Variants in CLVS1 observed in about 807,000 individuals in gnomAD.
CLVS1 encodes clavesin 1, also known as clavesin-1.
CLVS1 carries 10 observed loss-of-function variants against 33.1 expected under a neutral mutation model. That is an observed-to-expected ratio of 0.30 (90% CI 0.19 to 0.51). The LOEUF (loss-of-function observed/expected upper bound fraction) is 0.51, where lower values mean the gene tolerates loss of function less well. CLVS1 is among the 20% of genes least tolerant of loss of function. The probability of loss-of-function intolerance (pLI) is 0.97; values close to 1 mark genes in which losing one functional copy is unlikely to be tolerated. For missense variants in CLVS1, 343 were observed against 433.4 expected (o/e 0.79, Z 1.85); for synonymous variants, 163 against 166.1 (o/e 0.98, Z 0.14).
At chr8:61,111,608 T>C (rs16926864) in intron 1 of CLVS1, among the ~76,000 whole-genome samples, 30,141 of 152,150 alleles carry the variant, frequency 0.2, 3,196 homozygotes, top group Admixed American at 0.32. Flanking sequence ...TGGGATGCTA[T>C]CTCTATCACA....
chr8:61,368,912 C>T (rs1002466987), intron 2 of CLVS1, among the ~76,000 whole-genome samples: 21 of 152,256 alleles, frequency 1.4e-4, no homozygotes, highest in Admixed American at 1.3e-3. Flanking sequence ...GTTTCCAGTA[C>T]TGATTGAAAT....
intron 2 of CLVS1, among the ~76,000 whole-genome samples, chr8:61,339,994 AAATG>A (rs905942081): frequency 8.6e-5 from 13 of 151,838 alleles, no homozygotes; most frequent in Middle Eastern, 6.8e-3. Context: ...GAAAAAGAGA[AAATG>A]AAAGAAAGGA....
intron 3 of CLVS1, among the ~76,000 whole-genome samples, chr8:61,415,396 T>A (rs1370389582): frequency 6.6e-6 from 1 of 152,216 alleles, no homozygotes. Context: ...TTTGCAGTAA[T>A]CAACTTGTGG....
At chr8:61,192,699 A>C (rs1005944974) in intron 2 of CLVS1, among the ~76,000 whole-genome samples, 4 of 152,190 alleles carry the variant, frequency 2.6e-5, no homozygotes, top group African/African-American at 9.7e-5. Context: ...CCCATCAAAA[A>C]GTGGGCAAAG....
Position 61,246,167 on chromosome 8 carries a change from C to CTTTTTT in CLVS1, c.-151-53486_-151-53481dup, listed in dbSNP as rs1188366643. Among the ~76,000 whole-genome samples the CTTTTTT allele has an allele frequency of 6.4e-3, 528 of 82,228 alleles. 94 individuals carry two copies. Among genetic ancestry groups the CTTTTTT allele is most frequent in the East Asian group, 0.018 (48 of 2,694 alleles). 53.9% of individuals were successfully genotyped at this position (82,228 alleles called of 152,430 possible). The stretch of plus-strand genomic sequence containing the variant: ...AAACCCTTTTTCTCTTCCTTCCCAA[C>CTTTTTT]TTTTTTTTTTTTTTTTTTTTTTTTT... On this transcript the variant is annotated intron_variant, in intron 2 of 2. Coordinates refer to the CLVS1 transcript ENST00000522621.
intron 5 of CLVS1, among the ~76,000 whole-genome samples, chr8:61,490,439 C>A (rs901590569): frequency 4.7e-4 from 71 of 150,648 alleles, no homozygotes; most frequent in African/African-American, 1.7e-3. Context: ...GAGGCTGAGG[C>A]CTGTGCATCA....
rs146309867 is a variant in CLVS1 at position 61,337,190 on chromosome 8, T to C, written c.455+36908T>C. Among the ~76,000 whole-genome samples, 332 of 152,272 alleles carry C rather than the reference T, an allele frequency of 2.2e-3. 2 individuals are homozygous for C. The highest frequency in any genetic ancestry group is 0.017 in the South Asian group (80 of 4,816). On this transcript the variant is annotated intron_variant, in intron 2 of 5. Transcript: ENST00000325897. ...TTTTAGACCAAAGTAGTAAACACTT[T>C]TAAGGGCAGGTTCGGCCCTACCTAT...
intron 1 of CLVS1, among the ~76,000 whole-genome samples, chr8:61,064,619 C>A (rs1402806141): frequency 6.6e-6 from 1 of 150,734 alleles, no homozygotes; most frequent in Admixed American, 6.6e-5. Flanking sequence ...CAGCTCACTG[C>A]AACCTCTGCC....
At chr8:61,424,326 A>G (rs760258273) in intron 3 of CLVS1, among the ~76,000 whole-genome samples, 4 of 152,124 alleles carry the variant, frequency 2.6e-5, no homozygotes, top group Non-Finnish European at 4.4e-5. Context: ...ATAAATGGCT[A>G]CTCTTCAGCA....
At chr8:61,055,338 T>C (rs1327492910), upstream of CLVS1, among the ~76,000 whole-genome samples, 4 of 152,220 alleles carry the variant, frequency 2.6e-5, no homozygotes, top group East Asian at 5.8e-4. Context: ...CAATCTTCTA[T>C]AGTCACAAAA....
chr8:61,122,488 C>G (rs1029611043), intron 1 of CLVS1, among the ~76,000 whole-genome samples: 2 of 151,454 alleles, frequency 1.3e-5, no homozygotes, highest in African/African-American at 4.9e-5. Flanking sequence ...GCAATCTCAG[C>G]TTTTGGCTCA....
chr8:61,165,138 C>T (rs1806832785), intron 2 of CLVS1, among the ~76,000 whole-genome samples: 1 of 152,224 alleles, frequency 6.6e-6, no homozygotes, highest in Non-Finnish European at 1.5e-5. Context: ...CAATGGCAAG[C>T]CTTTAGCCCC....
chr8:61,154,210 T>G (rs560023741), intron 2 of CLVS1, among the ~76,000 whole-genome samples: 18 of 151,774 alleles, frequency 1.2e-4, no homozygotes, highest in Admixed American at 1.0e-3. Flanking sequence ...ATGCTTTTTT[T>G]GTTTTTTTTT....
Position 61,180,110 on chromosome 8 carries a change from AAG to A in CLVS1, c.-152+48258_-152+48259del, listed in dbSNP as rs1807200506. Among the ~76,000 whole-genome samples the A allele has an allele frequency of 7.2e-5, 11 of 152,286 alleles. No homozygotes were observed. The South Asian group carries it at 2.3e-3, about 32-fold the overall frequency. The stretch of plus-strand genomic sequence containing the variant: ...ACCACTAGGTAGACTAATAAAGAAG[AAG>A]AGAGAGAAGAATCAAATGGACACAA... On this transcript the variant is annotated intron_variant, in intron 2 of 2. Coordinates refer to the CLVS1 transcript ENST00000522621.
chr8:61,162,056 G>A (rs552216691), intron 2 of CLVS1, among the ~76,000 whole-genome samples: 1 of 152,142 alleles, frequency 6.6e-6, no homozygotes, highest in East Asian at 1.9e-4. Flanking sequence ...AGCAAGAGCT[G>A]TTTGAAAGAT....
At chr8:61,125,953 T>C (rs1360191596) in intron 1 of CLVS1, among the ~76,000 whole-genome samples, 1 of 119,734 alleles carries the variant, frequency 8.4e-6, no homozygotes, top group African/African-American at 3.7e-5. Context: ...ATAGAGCCTT[T>C]TTTAAGGACA....
chr8:61,352,488 G>A (rs555057996), intron 2 of CLVS1, among the ~76,000 whole-genome samples: 2 of 151,944 alleles, frequency 1.3e-5, no homozygotes, highest in East Asian at 3.9e-4. Context: ...GATTAGCAGT[G>A]GATTAAGAAA....
At chr8:61,218,432 T>C (rs942866103) in intron 2 of CLVS1, among the ~76,000 whole-genome samples, 1 of 152,026 alleles carries the variant, frequency 6.6e-6, no homozygotes, top group African/African-American at 2.4e-5. Context: ...TTCTCACTTA[T>C]ACGTGGAAGC....
intron 2 of CLVS1, among the ~76,000 whole-genome samples, chr8:61,186,264 C>A (rs1807342184): frequency 6.6e-6 from 1 of 152,222 alleles, no homozygotes; most frequent in South Asian, 2.1e-4. Context: ...CTGGCATTTA[C>A]TTTCTGCAAG....
Sources: allele counts gnomAD v4.1 joint callset (sites outside exome capture counted in the v4.1 genomes callset), GRCh38; gene constraint gnomAD v4.1.1; transcripts MANE v1.5; gene names NCBI Gene and HGNC (gene_info 2026-07-23, HGNC 2026-07-21).